ADAMTS16: variants seen among roughly 807,000 people sequenced by gnomAD.
ADAMTS16 encodes the protein ADAM metallopeptidase with thrombospondin type 1 motif 16, also known as A disintegrin and metalloproteinase with thrombospondin motifs 16.
Under a neutral mutation model 145.8 loss-of-function variants are expected in ADAMTS16, and 94 were observed. The observed-to-expected ratio is 0.64, with a 90% CI of 0.55 to 0.77. ADAMTS16 has a LOEUF of 0.77. ADAMTS16 is among the 30% of genes least tolerant of loss of function. The pLI, the probability that ADAMTS16 is intolerant of heterozygous loss-of-function variation, is 0.00. For missense variants in ADAMTS16, 1,585 were observed against 1,591.5 expected, an observed-to-expected ratio of 1.00 and a Z score of 0.07; for synonymous variants, 659 against 604.3, an observed-to-expected ratio of 1.09 and a Z score of -1.33.
intron 18 of ADAMTS16, among the ~76,000 whole-genome samples, chr5:5,277,080 T>C (rs1424597465): frequency 6.6e-6 from 1 of 152,184 alleles, no homozygotes; most frequent in Non-Finnish European, 1.5e-5. Flanking sequence ...ATGAAACCTA[T>C]GAAGATGTCA....
chr5:5,221,361 G>T (rs770497607), intron 10 of ADAMTS16, among the ~76,000 whole-genome samples: 2 of 152,062 alleles, frequency 1.3e-5, no homozygotes, highest in Non-Finnish European at 2.9e-5. Flanking sequence ...CCGGGTGCTC[G>T]CAGCAGTCTT....
intron 2 of ADAMTS16, among the ~76,000 whole-genome samples, chr5:5,144,214 A>AC (rs1044205966): frequency 2.0e-5 from 3 of 151,940 alleles, no homozygotes; most frequent in Non-Finnish European, 4.4e-5. Flanking sequence ...TTCTCTTCCT[A>AC]CCCCCCTCTG....
At chr5:5,217,091 G>A (rs1736460146) in intron 10 of ADAMTS16, among the ~76,000 whole-genome samples, 1 of 152,052 alleles carries the variant, frequency 6.6e-6, no homozygotes, top group African/African-American at 2.4e-5. Context: ...AGAAAAACAA[G>A]CAATGGGGAA....
At chr5:5,279,413 CT>C (rs1204357204) in intron 18 of ADAMTS16, among the ~76,000 whole-genome samples, 2 of 152,168 alleles carry the variant, frequency 1.3e-5, no homozygotes, top group Admixed American at 1.3e-4. Context: ...TGGAAACTGT[CT>C]TTTTTTCATT....
intron 18 of ADAMTS16, among the ~76,000 whole-genome samples, chr5:5,292,790 A>G (rs934489117): frequency 1.3e-5 from 2 of 152,002 alleles, no homozygotes; most frequent in African/African-American, 2.4e-5. Context: ...TGCACAGCCT[A>G]TCTTAACGTT....
chr5:5,265,192 T>C (rs1261931766), intron 18 of ADAMTS16, among the ~76,000 whole-genome samples: 1 of 152,338 alleles, frequency 6.6e-6, no homozygotes, highest in Non-Finnish European at 1.5e-5. Flanking sequence ...TGCTGAGTTG[T>C]GTCAAAGACA....
At chr5:5,216,358 T>C (rs1736441773) in intron 10 of ADAMTS16, among the ~76,000 whole-genome samples, 1 of 150,856 alleles carries the variant, frequency 6.6e-6, no homozygotes, top group Non-Finnish European at 1.5e-5. Context: ...GAATTGTCTA[T>C]TCATGTCCTT....
Position 5,209,180 on chromosome 5 carries a change from T to G in ADAMTS16, c.1539T>G (p.Asp513Glu), listed in dbSNP as rs747814880. 1 of 1,614,092 alleles carries G rather than the reference T, an allele frequency of 6.2e-7. No homozygotes were observed. The change falls in exon 10 of 23, where the codon GAT (aspartate) becomes GAG (glutamate). Residue 513 changes from aspartate (D) to glutamate (E), a missense_variant. Asp to Glu is a conservative substitution (Grantham distance 45). This residue lies in a region of ADAMTS16 where 298 missense variants were observed against 367.6 expected (regional missense o/e 0.81). Transcript: ENST00000274181. Reference sequence around the variant, plus strand: ...AGAAATTGCCAGGAGAATTATATGATGCAAACACACAGTGCAAGTGGCAGT... The same window carrying G: ...AGAAATTGCCAGGAGAATTATATGAGGCAAACACACAGTGCAAGTGGCAGT... The part of the protein sequence containing the change: ...YPEKLPGELY[D>E]ANTQCKWQFG...
Position 5,235,009 on chromosome 5 carries a change from T to C in ADAMTS16, c.1851-5T>C. ...AAAATTCTAACTTCAAAATACACAT[T>C]CCAGGCCATCGCATGGAGGGAAGTT... On this transcript the variant is annotated splice_region_variant and splice_polypyrimidine_tract_variant and intron_variant, in intron 12 of 22. Coordinates refer to ENST00000274181, the MANE Select transcript of ADAMTS16 (RefSeq NM_139056.4). The C allele has an allele frequency of 6.4e-7, 1 of 1,562,880 alleles. No homozygotes were observed. Among genetic ancestry groups the C allele is most frequent in the Non-Finnish European group, 8.7e-7 (1 of 1,145,114 alleles).
At chr5:5,282,331 T>G (rs754249951) in intron 18 of ADAMTS16, among the ~76,000 whole-genome samples, 1 of 152,228 alleles carries the variant, frequency 6.6e-6, no homozygotes, top group Admixed American at 6.5e-5. Flanking sequence ...AACATTTTGA[T>G]TACTTTGAAT....
intron 10 of ADAMTS16, among the ~76,000 whole-genome samples, chr5:5,209,852 C>A (rs919610904): frequency 1.3e-4 from 20 of 152,090 alleles, no homozygotes; most frequent in African/African-American, 4.8e-4. Flanking sequence ...AAAAGCTACC[C>A]ATAAATTAAA....
At chr5:5,261,487 C>CCCTTTTTTT (rs1560974525) in intron 17 of ADAMTS16, among the ~76,000 whole-genome samples, 1 of 107,330 alleles carries the variant, frequency 9.3e-6, no homozygotes, top group African/African-American at 3.3e-5. Context: ...TAGTTATAGC[C>CCCTTTTTTT]TCTTTTTTTT....
intron 11 of ADAMTS16, among the ~76,000 whole-genome samples, chr5:5,225,674 G>C (rs548942988): frequency 2.7e-4 from 41 of 151,964 alleles, no homozygotes; most frequent in African/African-American, 9.2e-4. Flanking sequence ...AATAAGGCCA[G>C]CAGTTGCATT....
intron 17 of ADAMTS16, among the ~76,000 whole-genome samples, chr5:5,249,876 C>T (rs971385907): frequency 1.3e-5 from 2 of 152,082 alleles, no homozygotes; most frequent in African/African-American, 4.8e-5. Flanking sequence ...GTGAAAGTGA[C>T]TCTAGTGGGA....
At chr5:5,166,411 C>T (rs148770157) in intron 3 of ADAMTS16, among the ~76,000 whole-genome samples, 2 of 152,298 alleles carry the variant, frequency 1.3e-5, no homozygotes, top group South Asian at 2.1e-4. Context: ...AGACCTGGGT[C>T]TAATATGAGC....
At chr5:5,297,278 G>C (rs1199441081) in intron 18 of ADAMTS16, among the ~76,000 whole-genome samples, 1 of 152,126 alleles carries the variant, frequency 6.6e-6, no homozygotes. Flanking sequence ...GAGGATGCAG[G>C]AGTCAACACC....
At chr5:5,226,021 G>C (rs1437471897) in intron 11 of ADAMTS16, among the ~76,000 whole-genome samples, 1 of 152,086 alleles carries the variant, frequency 6.6e-6, no homozygotes, top group African/African-American at 2.4e-5. Flanking sequence ...ATTTGTGAGG[G>C]AGTCCACCCA....
intron 17 of ADAMTS16, among the ~76,000 whole-genome samples, chr5:5,255,795 C>T (rs1200138096): frequency 1.3e-5 from 2 of 152,214 alleles, no homozygotes; most frequent in Non-Finnish European, 2.9e-5. Context: ...ACCTCTGTTT[C>T]TAATATATTG....
At chr5:5,199,497 G>A (rs1409127712) in intron 8 of ADAMTS16, among the ~76,000 whole-genome samples, 1 of 152,148 alleles carries the variant, frequency 6.6e-6, no homozygotes, top group Admixed American at 6.5e-5. Context: ...TCTCCAAATA[G>A]ACAGACAGAT....
Sources: gnomAD v4.1 joint callset for allele counts (sites outside exome capture counted in the v4.1 genomes callset) on GRCh38, gnomAD v4.1.1 for gene constraint, gnomAD v4.1.1 regional missense constraint, MANE v1.5 for transcripts, NCBI Gene and HGNC (gene_info 2026-07-23, HGNC 2026-07-21) for gene names.